NOL4: variants seen among roughly 807,000 people sequenced by gnomAD.
NOL4 encodes nucleolar protein 4, also known as cancer/testis antigen 125.
NOL4 carries 17 observed loss-of-function variants against 75.9 expected under a neutral mutation model. The observed-to-expected ratio is 0.22, with a 90% CI of 0.15 to 0.34. The LOEUF (loss-of-function observed/expected upper bound fraction) is 0.34, where lower values mean the gene tolerates loss of function less well. Ranked by LOEUF, NOL4 falls within the 10% of genes least tolerant of loss-of-function variation. NOL4 has a pLI of 1.00. For missense variants in NOL4, 614 were observed against 793.5 expected, an observed-to-expected ratio of 0.77 and a Z score of 2.72; for synonymous variants, 292 against 289.9, an observed-to-expected ratio of 1.01 and a Z score of -0.07.
chr18:33,861,381 G>A (rs1319141971), intron 10 of NOL4, among the ~76,000 whole-genome samples: 1 of 152,158 alleles, frequency 6.6e-6, no homozygotes, highest in East Asian at 1.9e-4. Context: ...ATGCGTCAAG[G>A]AATTTATCCA....
rs35281852 is a variant in NOL4 at position 34,046,607 on chromosome 18, C to CATATATATATATATATATATATATAT, written c.773-27032_773-27007dup. ...TTTTAAAATTTACTATTTACTTATA[C>CATATATATATATATATATATATATAT]ATATATATATATATATATATATATA... On this transcript the variant is annotated intron_variant, in intron 5 of 10. Coordinates refer to ENST00000261592, the MANE Select transcript of NOL4 (RefSeq NM_003787.5). 2.8e-3 allele frequency among the ~76,000 whole-genome samples: 232 copies of CATATATATATATATATATATATATAT among 81,574 alleles called. 21 individuals carry two copies. The highest frequency in any genetic ancestry group is 3.8e-3 in the Non-Finnish European group (158 of 41,336). 53.5% of individuals were successfully genotyped at this position (81,574 alleles called of 152,430 possible). A position where few individuals can be genotyped will look rare whatever the true frequency, so the allele number is the denominator to read the frequency against.
rs371410318 is a variant in NOL4, at chr18:34,099,008, T to C, written c.639+5039A>G. On this transcript the variant is annotated intron_variant, in intron 4 of 10. Coordinates refer to ENST00000261592, the MANE Select transcript of NOL4 (RefSeq NM_003787.5). ...TGTGTACATAAAAAGAGTAATTTAA[T>C]AGAATTTTGATATTTGAACATGTTT... is the stretch of plus-strand genomic sequence containing the variant. Among the ~76,000 whole-genome samples, 17 of 152,290 alleles carry C rather than the reference T, an allele frequency of 1.1e-4. No individual in the cohort carries two copies. In the East Asian group the frequency reaches 1.4e-3, roughly 12 times the overall value.
chr18:34,016,196 T>C (rs558598632), intron 6 of NOL4, among the ~76,000 whole-genome samples: 57 of 152,194 alleles, frequency 3.7e-4, no homozygotes, highest in African/African-American at 1.4e-3. Flanking sequence ...TGTTCAGTAA[T>C]TTTTTGTACT....
At chr18:34,160,367 T>A (rs1280864650) in intron 1 of NOL4, among the ~76,000 whole-genome samples, 1 of 152,274 alleles carries the variant, frequency 6.6e-6, no homozygotes, top group East Asian at 1.9e-4. Context: ...ATTGTGATAT[T>A]TCAATGTAAT....
At chr18:33,992,857 C>T (rs964113251) in intron 6 of NOL4, among the ~76,000 whole-genome samples, 7 of 151,976 alleles carry the variant, frequency 4.6e-5, no homozygotes, top group South Asian at 2.1e-4. Context: ...CTCCCAGCTC[C>T]GGAGACTTTG....
At chr18:34,214,925 C>T (rs1301338430) in intron 1 of NOL4, among the ~76,000 whole-genome samples, 1 of 152,118 alleles carries the variant, frequency 6.6e-6, no homozygotes, top group Admixed American at 6.6e-5. Context: ...AAGACAAATT[C>T]TGTATGATTC....
At chr18:34,032,745 G>A (rs1454522993) in intron 5 of NOL4, among the ~76,000 whole-genome samples, 2 of 152,146 alleles carry the variant, frequency 1.3e-5, no homozygotes, top group Admixed American at 6.5e-5. Context: ...CCACCTGGAG[G>A]CTCAAGAATA....
intron 6 of NOL4, among the ~76,000 whole-genome samples, chr18:33,997,872 T>C (rs2073408233): frequency 1.3e-5 from 2 of 151,688 alleles, no homozygotes; most frequent in African/African-American, 2.4e-5. Flanking sequence ...TGTCCATCAA[T>C]TGATAAATAG....
At chr18:34,053,553 G>A (rs535547517) in intron 5 of NOL4, among the ~76,000 whole-genome samples, 83 of 152,076 alleles carry the variant, frequency 5.5e-4, no homozygotes, top group Non-Finnish European at 1.0e-3. Context: ...TCTGCTGGAA[G>A]ATGGAAAATT....
chr18:33,858,850 TG>T (rs1341769135), intron 10 of NOL4, among the ~76,000 whole-genome samples: 6 of 152,116 alleles, frequency 3.9e-5, no homozygotes, highest in Admixed American at 3.9e-4. Flanking sequence ...GTTTGTGTAA[TG>T]GTTACAAGTT....
At chr18:34,013,862 G>T (rs2074528801) in intron 6 of NOL4, among the ~76,000 whole-genome samples, 1 of 151,594 alleles carries the variant, frequency 6.6e-6, no homozygotes, top group East Asian at 1.9e-4. Flanking sequence ...CACATATTAA[G>T]CACATTTACT....
At chr18:33,880,005 G>A (rs996848204) in intron 10 of NOL4, among the ~76,000 whole-genome samples, 2 of 151,894 alleles carry the variant, frequency 1.3e-5, no homozygotes, top group African/African-American at 4.8e-5. Flanking sequence ...CCACAGTCTT[G>A]TTAAAAAAAT....
At chr18:34,059,244 A>C (rs2076971209) in intron 5 of NOL4, among the ~76,000 whole-genome samples, 1 of 150,684 alleles carries the variant, frequency 6.6e-6, no homozygotes, top group Admixed American at 6.6e-5. Context: ...TCATTTTATA[A>C]AATACCCCCG....
At chr18:33,945,185 C>A (rs1002289667) in intron 8 of NOL4, among the ~76,000 whole-genome samples, 6 of 151,728 alleles carry the variant, frequency 4.0e-5, no homozygotes, top group Non-Finnish European at 7.4e-5. Flanking sequence ...AGCAACCATC[C>A]TTTTCTTAAT....
At chr18:34,148,358 T>C (rs534583563) in intron 1 of NOL4, among the ~76,000 whole-genome samples, 2 of 152,256 alleles carry the variant, frequency 1.3e-5, no homozygotes, top group East Asian at 3.9e-4. Flanking sequence ...TTTAGTGCTA[T>C]AAATTTTCCT....
At chr18:34,175,961 C>T (rs1273328784) in intron 1 of NOL4, among the ~76,000 whole-genome samples, 1 of 151,742 alleles carries the variant, frequency 6.6e-6, no homozygotes, top group African/African-American at 2.4e-5. Flanking sequence ...AAAGTATGTT[C>T]CACAAGCAGG....
At chr18:34,093,624 A>T (rs2078630052) in intron 4 of NOL4, 27 bp from the exon 5 acceptor site, 1 of 1,537,862 alleles carries the variant, frequency 6.5e-7, no homozygotes, top group African/African-American at 1.4e-5. Context: ...AATATCATCA[A>T]GCATTTTAAC....
At chr18:34,170,700 G>A (rs1034143117) in intron 1 of NOL4, among the ~76,000 whole-genome samples, 1 of 152,004 alleles carries the variant, frequency 6.6e-6, no homozygotes, top group Non-Finnish European at 1.5e-5. Flanking sequence ...GGATAGTGCT[G>A]GTGTAGCCAT....
intron 5 of NOL4, among the ~76,000 whole-genome samples, chr18:34,060,206 A>C (rs542178828): frequency 1.3e-5 from 2 of 152,030 alleles, no homozygotes; most frequent in South Asian, 4.2e-4. Flanking sequence ...CACTATATCC[A>C]CCCCCATACT....
Sources: gnomAD v4.1 joint callset for allele counts (sites outside exome capture counted in the v4.1 genomes callset) on GRCh38, gnomAD v4.1.1 for gene constraint, MANE v1.5 for transcripts, NCBI Gene and HGNC (gene_info 2026-07-23, HGNC 2026-07-21) for gene names.